Variants in IL10RB observed in about 807,000 individuals in gnomAD.
The protein encoded by IL10RB is interleukin-10 receptor subunit beta.
IL10RB carries 30 observed loss-of-function variants against 38.7 expected under a neutral mutation model. That is an observed-to-expected ratio of 0.78 (90% CI 0.58 to 1.05). The LOEUF is 1.05. Ranked by LOEUF, IL10RB falls within the 50% of genes least tolerant of loss-of-function variation. IL10RB has a pLI of 0.00. For synonymous variants in IL10RB, 142 were observed against 145.9 expected, an observed-to-expected ratio of 0.97 and a Z score of 0.19; for missense variants, 328 against 397.1, an observed-to-expected ratio of 0.83 and a Z score of 1.48.
intron 6 of IL10RB, among the ~76,000 whole-genome samples, chr21:33,293,111 T>C (rs1989521794): frequency 6.6e-6 from 1 of 152,098 alleles, no homozygotes; most frequent in South Asian, 2.1e-4. Context: ...ACTGCAAGGG[T>C]CCCCTCAAAT....
chr21:33,290,478 A>G (rs957662825), intron 6 of IL10RB, among the ~76,000 whole-genome samples: 52 of 152,208 alleles, frequency 3.4e-4, no homozygotes, highest in African/African-American at 1.2e-3. Flanking sequence ...CCTGCCCTAG[A>G]CCCACAGAGC....
chr21:33,298,647 A>C (rs2082977120), downstream of IL10RB, among the ~76,000 whole-genome samples: 1 of 152,148 alleles, frequency 6.6e-6, no homozygotes, highest in Non-Finnish European at 1.5e-5. Flanking sequence ...ATAAAAAATT[A>C]TTTTTGAAAT....
intron 6 of IL10RB, among the ~76,000 whole-genome samples, chr21:33,292,656 CAG>C (rs8178550): frequency 0.014 from 2,114 of 152,272 alleles, 45 homozygotes; most frequent in African/African-American, 0.043. Context: ...CTTTTTCAAA[CAG>C]AGTACAATTA....
At chr21:33,267,937 C>G (rs893567503) in intron 1 of IL10RB, 14 of 260,390 alleles carry the variant, frequency 5.4e-5, no homozygotes, top group Non-Finnish European at 1.5e-5. Context: ...ACTTCAGCCT[C>G]TCTCCAGCAT....
chr21:33,272,958 G>A (rs1460838822), intron 2 of IL10RB, among the ~76,000 whole-genome samples: 1 of 152,214 alleles, frequency 6.6e-6, no homozygotes, highest in Non-Finnish European at 1.5e-5. Context: ...GACTGAGACT[G>A]ATGAATTGTT....
intron 1 of IL10RB, among the ~76,000 whole-genome samples, chr21:33,307,957 C>G (rs1390697048): frequency 6.6e-6 from 1 of 152,144 alleles, no homozygotes; most frequent in Non-Finnish European, 1.5e-5. Context: ...TAATAGATGG[C>G]TCAAGATCTA....
At chr21:33,266,949 T>G (rs1195883331) in intron 1 of IL10RB, among the ~76,000 whole-genome samples, 3 of 151,954 alleles carry the variant, frequency 2.0e-5, no homozygotes, top group African/African-American at 7.3e-5. Context: ...ACCCCAAGTC[T>G]GCCCCCTCAG....
At chr21:33,280,956 T>G (rs1207988500) in intron 4 of IL10RB, among the ~76,000 whole-genome samples, 4 of 152,194 alleles carry the variant, frequency 2.6e-5, no homozygotes, top group African/African-American at 7.2e-5. Context: ...TACCACAGAC[T>G]AGGTAACTTA....
Position 33,267,968 on chromosome 21 carries a change from A to G in IL10RB, c.50-426A>G, listed in dbSNP as rs183826956. 10 of 315,182 alleles carry G rather than the reference A, an allele frequency of 3.2e-5. No homozygotes were observed. In the Admixed American group the frequency reaches 4.0e-4, roughly 13 times the overall value. 19.5% of individuals were successfully genotyped at this position (315,182 alleles called of 1,614,324 possible). On this transcript the variant is annotated intron_variant, in intron 1 of 6. Transcript: ENST00000290200. ...AGCATCTCCAACCTAATGCAGCTCA[A>G]ATGGGACTCGTGAGTTCCCCAGCTG...
chr21:33,285,401 G>A (rs560365394), intron 5 of IL10RB, among the ~76,000 whole-genome samples: 8 of 152,184 alleles, frequency 5.3e-5, no homozygotes, highest in Non-Finnish European at 1.2e-4. Flanking sequence ...AAACAGGAAA[G>A]AGTAGTCTGC....
At chr21:33,269,651 A>AT (rs529634707) in intron 2 of IL10RB, among the ~76,000 whole-genome samples, 8,558 of 137,322 alleles carry the variant, frequency 0.062, 316 homozygotes, top group African/African-American at 0.084. Context: ...AGATTCACCA[A>AT]TTTTTTTTTT....
At position 33,288,259 on chromosome 21, in the gene IL10RB, G is replaced by GAGGT; in HGVS notation, c.804+6_804+9dup. On this transcript the variant is annotated frameshift_variant and splice_region_variant, in exon 6 of 7. Transcript: ENST00000290200. LOFTEE classifies it high-confidence loss of function. The stretch of plus-strand genomic sequence containing the variant: ...GAATTCTCTTCCACAGCACCTGAAA[G>GAGGT]AGGTAGGTAGGATGGAGTGAGATGT... 1 of 1,613,866 alleles carries GAGGT rather than the reference G, an allele frequency of 6.2e-7. No individual in the cohort carries two copies. Among genetic ancestry groups the GAGGT allele is most frequent in the African/African-American group, 1.3e-5 (1 of 75,032 alleles).
chr21:33,273,582 A>G (rs909925288), intron 2 of IL10RB, among the ~76,000 whole-genome samples: 2 of 152,208 alleles, frequency 1.3e-5, no homozygotes, highest in East Asian at 3.8e-4. Flanking sequence ...AAATAAGATG[A>G]CAATGAAGTC....
chr21:33,309,976 G>C (rs540496374), exon 2 of IL10RB: 5 of 152,260 alleles, frequency 3.3e-5, no homozygotes, highest in African/African-American at 1.2e-4. Flanking sequence ...GGTCATAAGT[G>C]TGGGGCCCTG....
At chr21:33,283,640 C>T (rs1019297689) in intron 5 of IL10RB, among the ~76,000 whole-genome samples, 4 of 152,142 alleles carry the variant, frequency 2.6e-5, no homozygotes, top group Non-Finnish European at 4.4e-5. Flanking sequence ...CAGCCACTGC[C>T]GACATGTGAT....
At chr21:33,309,947 G>A (rs1163522636) in exon 2 of IL10RB, 1 of 152,166 alleles carries the variant, frequency 6.6e-6, no homozygotes, top group Non-Finnish European at 1.5e-5. Context: ...GCCTACAGCA[G>A]GTAATTAAGG....
chr21:33,305,275 A>AT (rs531033316), intron 1 of IL10RB, among the ~76,000 whole-genome samples: 62 of 151,448 alleles, frequency 4.1e-4, no homozygotes, highest in Middle Eastern at 6.8e-3. Flanking sequence ...CGACAGGCTA[A>AT]TTTTTTTTTC....
chr21:33,294,253 A>G (rs1224578217), intron 6 of IL10RB: 7 of 332,600 alleles, frequency 2.1e-5, no homozygotes, highest in Non-Finnish European at 4.2e-5. Flanking sequence ...GAATCCATTA[A>G]CCAGGATCCA....
downstream of IL10RB, among the ~76,000 whole-genome samples, chr21:33,299,464 T>C (rs2082980297): frequency 1.3e-5 from 2 of 152,190 alleles, no homozygotes; most frequent in African/African-American, 4.8e-5. Context: ...GTGTAAGCCA[T>C]CCTCACCCCC....
Sources: allele counts gnomAD v4.1 joint callset (sites outside exome capture counted in the v4.1 genomes callset), GRCh38; gene constraint gnomAD v4.1.1; transcripts MANE v1.5; gene names NCBI Gene and HGNC (gene_info 2026-07-23, HGNC 2026-07-21).